The following PDE2A variants were observed in gnomAD, a reference collection of about 807,000 sequenced individuals.
PDE2A encodes the protein cGMP-dependent 3',5'-cyclic phosphodiesterase.
Under a neutral mutation model 133.6 loss-of-function variants are expected in PDE2A, and 53 were observed. That is an observed-to-expected ratio of 0.40 (90% CI 0.32 to 0.50). The LOEUF (loss-of-function observed/expected upper bound fraction) is 0.50. Among genes scored for constraint, PDE2A ranks in the 20% least tolerant of loss-of-function variants. The pLI is 0.73. For missense variants in PDE2A, 796 were observed against 1,232.4 expected, an observed-to-expected ratio of 0.65 and a Z score of 5.30; for synonymous variants, 491 against 490.2, an observed-to-expected ratio of 1.00 and a Z score of -0.02.
intron 1 of PDE2A, among the ~76,000 whole-genome samples, chr11:72,661,629 T>C (rs1405947512): frequency 6.6e-6 from 1 of 152,158 alleles, no homozygotes; most frequent in Non-Finnish European, 1.5e-5. Context: ...ATGACAGGAA[T>C]TAGCCAGGTA....
At chr11:72,584,074 G>GC (rs1855844003) in intron 19 of PDE2A, 127 bp downstream of exon 19, 1 of 625,636 alleles carries the variant, frequency 1.6e-6, no homozygotes, top group Non-Finnish European at 2.8e-6. Context: ...CACCCCAGCG[G>GC]CGGGACTCTG....
At position 72,631,251 on chromosome 11, in the gene PDE2A, G is replaced by A. The variant is rs1262101389; in HGVS notation, c.144+11003C>T. 11 of 770,240 alleles carry A rather than the reference G, an allele frequency of 1.4e-5. No individual in the cohort carries two copies. In the East Asian group the frequency reaches 3.2e-4, roughly 22 times the overall value. The allele number at this position is 770,240 out of a possible 1,614,324, so 47.7% of individuals were successfully genotyped here. A position where few individuals can be genotyped will look rare whatever the true frequency, so the allele number is the denominator to read the frequency against. ...CCCACGGATGGCCCCCTCCTCCAGG[G>A]AGCCTTGCCTGCTTGCACCCTGCTC... On this transcript the variant is annotated intron_variant, in intron 2 of 30. Transcript: ENST00000334456.
chr11:72,652,616 C>T (rs1717749197), intron 1 of PDE2A: 1 of 456,164 alleles, frequency 2.2e-6, no homozygotes, highest in Non-Finnish European at 4.4e-6. Context: ...TGATGACCAC[C>T]TACTAAGTGC....
rs753954899 is a variant in PDE2A, at chr11:72,584,865, C to A, written c.1359+7G>T. 3.7e-6 allele frequency: 6 copies of A among 1,613,502 alleles called. No individual in the cohort carries two copies. The African/African-American group carries it at 8.0e-5, about 22-fold the overall frequency. ...TAGGGCCACATACTCCCTCCACACC[C>A]TCTCACCTCATCATCCACCACGCCC... On this transcript the variant is annotated splice_region_variant and intron_variant, in intron 17 of 30. Transcript: ENST00000334456.
intron 19 of PDE2A, 43 bp downstream of exon 19, chr11:72,584,158 C>A: frequency 1.2e-6 from 1 of 840,278 alleles, no homozygotes; most frequent in Non-Finnish European, 2.0e-6. Flanking sequence ...TCGTGGGCCC[C>A]GCCCCCTATC....
chr11:72,665,803 C>A (rs1305295988), intron 1 of PDE2A, among the ~76,000 whole-genome samples: 2 of 152,046 alleles, frequency 1.3e-5, no homozygotes, highest in Non-Finnish European at 2.9e-5. Context: ...CCCAGATAGG[C>A]CTCCAGGACT....
At chr11:72,582,361 A>G (rs1855761674) in intron 21 of PDE2A, 83 bp downstream of exon 21, 3 of 1,357,412 alleles carry the variant, frequency 2.2e-6, no homozygotes, top group Non-Finnish European at 3.1e-6. Context: ...CTGTCTTCCC[A>G]GGAAGTTCTT....
intron 24 of PDE2A, 53 bp downstream of exon 24, chr11:72,580,833 G>T (rs1048979722): frequency 2.6e-6 from 3 of 1,158,456 alleles, no homozygotes; most frequent in Admixed American, 3.4e-5. Flanking sequence ...GAGAGGATGA[G>T]ACTCCCAGAC....
intron 4 of PDE2A, among the ~76,000 whole-genome samples, chr11:72,602,289 G>A (rs1856784891): frequency 6.6e-6 from 1 of 152,112 alleles, no homozygotes; most frequent in African/African-American, 2.4e-5. Context: ...AGCTGGCGGG[G>A]GCCTCCTCAC....
chr11:72,590,311 G>A lies in PDE2A; in HGVS notation c.704-67C>T, dbSNP rs1259129084. On this transcript the variant is annotated intron_variant, in intron 8 of 30. Transcript: ENST00000334456. This position sits in a 1 kb window ranked among gnomAD's most constrained non-coding sequence, Gnocchi z 4.8. Reference sequence around the variant, plus strand: ...ACCTCCGTGTCCGGGTCCCTCAGGCGCCGCTCAGCTCCGCGCCGGGCCCGC... The same window carrying A: ...ACCTCCGTGTCCGGGTCCCTCAGGCACCGCTCAGCTCCGCGCCGGGCCCGC... The A allele has an allele frequency of 1.3e-6, 2 of 1,538,378 alleles. No individual in the cohort carries two copies. Among genetic ancestry groups the A allele is most frequent in the African/African-American group, 1.4e-5 (1 of 72,770 alleles).
At chr11:72,611,670 G>A (rs1467958183) in intron 2 of PDE2A, among the ~76,000 whole-genome samples, 2 of 152,198 alleles carry the variant, frequency 1.3e-5, no homozygotes, top group African/African-American at 4.8e-5. Context: ...TAATGTGACT[G>A]ATGAAGCCCA....
intron 2 of PDE2A, among the ~76,000 whole-genome samples, chr11:72,614,442 G>A (rs1442763623): frequency 6.6e-6 from 1 of 152,166 alleles, no homozygotes; most frequent in Non-Finnish European, 1.5e-5. Context: ...GCTTTGGGGA[G>A]GGGAAGGTAC....
intron 1 of PDE2A, among the ~76,000 whole-genome samples, chr11:72,671,915 C>T (rs1227733561): frequency 6.6e-6 from 1 of 152,146 alleles, no homozygotes; most frequent in Non-Finnish European, 1.5e-5. Context: ...CTGAGCCTTC[C>T]ATGAGCCTTT....
rs755178092 is a variant in PDE2A, at chr11:72,588,799, T to C, written c.1055A>G (p.Lys352Arg). The part of the protein sequence containing the change: ...QVVALACAFN[K>R]LEGDLFTDED... ...AAAGACTCACAAGTCTCCTTCTAGCTTGTTGAAGGCGCAGGCCAAGGCCAC... is the reference window on the plus strand; with the variant it reads ...AAAGACTCACAAGTCTCCTTCTAGCCTGTTGAAGGCGCAGGCCAAGGCCAC... Residue 352 changes from lysine to arginine, a missense_variant, in exon 13 of 31, where the codon AAG becomes AGG. By Grantham distance (26) the Lys-to-Arg change is conservative. This residue lies in a region of PDE2A where 417 missense variants were observed against 475.3 expected (regional missense o/e 0.88). Transcript: ENST00000334456. The C allele has an allele frequency of 6.2e-7, 1 of 1,603,342 alleles. No individual in the cohort carries two copies. The highest frequency in any genetic ancestry group is 1.1e-5 in the South Asian group (1 of 90,522).
rs565763577 is a variant in PDE2A, at chr11:72,586,912, C to T, written c.1071-731G>A. Reference sequence around the variant, plus strand: ...CATTCATGCTTGCCATCCAGTGATTCGGATCTAGATCCCATCCCCACCATC... The same window carrying T: ...CATTCATGCTTGCCATCCAGTGATTTGGATCTAGATCCCATCCCCACCATC... On this transcript the variant is annotated intron_variant, in intron 13 of 30. Coordinates refer to ENST00000334456, the MANE Select transcript of PDE2A (RefSeq NM_002599.5). 2.0e-5 allele frequency among the ~76,000 whole-genome samples: 3 copies of T among 152,280 alleles called. No individual in the cohort carries two copies. In the South Asian group the frequency reaches 6.2e-4, roughly 32 times the overall value.
chr11:72,667,054 C>T (rs1424370672), intron 1 of PDE2A, among the ~76,000 whole-genome samples: 1 of 152,050 alleles, frequency 6.6e-6, no homozygotes, highest in Admixed American at 6.5e-5. Flanking sequence ...TGCGGTGAGC[C>T]GAGATCACGC....
chr11:72,578,589 A>G lies in PDE2A; in HGVS notation c.2470-75T>C. ...CAAGCTCCTCTGACAGCCCGTTCCC[A>G]GGAGAGAAAACTGAGGCCCAGGGAT... On this transcript the variant is annotated intron_variant, in intron 28 of 30. Transcript: ENST00000334456. This position sits in a 1 kb window ranked among gnomAD's most constrained non-coding sequence, Gnocchi z 4.2. 2 of 1,308,346 alleles carry G rather than the reference A, an allele frequency of 1.5e-6. No homozygotes were observed. Among genetic ancestry groups the G allele is most frequent in the Non-Finnish European group, 2.2e-6 (2 of 903,768 alleles). The allele number at this position is 1,308,346 out of a possible 1,614,324, so 81.0% of individuals were successfully genotyped here.
At chr11:72,604,790 C>T (rs957181436) in intron 4 of PDE2A, among the ~76,000 whole-genome samples, 1 of 152,190 alleles carries the variant, frequency 6.6e-6, no homozygotes. Flanking sequence ...GGTCCAGCCT[C>T]GCAGTAGTTC....
chr11:72,612,597 A>G (rs948740448), intron 2 of PDE2A, among the ~76,000 whole-genome samples: 1 of 150,736 alleles, frequency 6.6e-6, no homozygotes, highest in Admixed American at 6.6e-5. Context: ...ATATAGTTCT[A>G]TGGTTTAATT....
Sources: gnomAD v4.1 joint callset for allele counts (sites outside exome capture counted in the v4.1 genomes callset) on GRCh38, gnomAD v4.1.1 for gene constraint, gnomAD v4.1.1 regional missense constraint, Gnocchi (gnomAD v3.1) non-coding constraint, MANE v1.5 for transcripts, NCBI Gene and HGNC (gene_info 2026-07-23, HGNC 2026-07-21) for gene names.